ACACB: variants seen among roughly 807,000 people sequenced by gnomAD.
The protein encoded by ACACB is acetyl-CoA carboxylase 2.
Under a neutral mutation model 278.8 loss-of-function variants are expected in ACACB, and 209 were observed. The ratio of observed to expected loss-of-function variants is 0.75; its 90% CI spans 0.67 to 0.84. ACACB has a LOEUF of 0.84. Among genes scored for constraint, ACACB ranks in the 40% least tolerant of loss-of-function variants. The pLI is 0.00. For missense variants in ACACB, 2,850 were observed against 3,269.0 expected (o/e 0.87, Z 3.13); for synonymous variants, 1,174 against 1,285.6 (o/e 0.91, Z 1.86).
chr12:109,117,418 A>T (rs1404520629), intron 1 of ACACB, among the ~76,000 whole-genome samples: 1 of 152,072 alleles, frequency 6.6e-6, no homozygotes, highest in Non-Finnish European at 1.5e-5. Context: ...AAGCGTTTGT[A>T]GTGGTCCTAT....
chr12:109,245,839 AG>A, intron 38 of ACACB, 91 bp downstream of exon 38: 1 of 1,512,918 alleles, frequency 6.6e-7, no homozygotes, highest in East Asian at 2.3e-5. Flanking sequence ...CTGTAATCCC[AG>A]TGCTTTGGGA....
In ACACB at chr12:109,206,704, C is replaced by G; in HGVS notation, c.2914-6C>G. 4 of 1,613,758 alleles carry G rather than the reference C, an allele frequency of 2.5e-6. No homozygotes were observed. Among genetic ancestry groups the G allele is most frequent in the Non-Finnish European group, 3.4e-6 (4 of 1,179,962 alleles). On this transcript the variant is annotated splice_polypyrimidine_tract_variant and splice_region_variant and intron_variant, in intron 19 of 52. Coordinates refer to ENST00000338432, the MANE Select transcript of ACACB (RefSeq NM_001093.4). The stretch of plus-strand genomic sequence containing the variant: ...CTGACCTGTCGTTCTTGTGGTGTCT[C>G]ATCAGGCTGAACCGTTCACAGGAGA...
At chr12:109,179,035 CT>C (rs2044370015) in intron 9 of ACACB, 52 bp from the exon 10 acceptor site, 1 of 1,550,628 alleles carries the variant, frequency 6.4e-7, no homozygotes, top group African/African-American at 1.4e-5. Context: ...CTTCCAGAAG[CT>C]TCCAGAGCTG....
chr12:109,242,660 C>T, intron 37 of ACACB, 68 bp downstream of exon 37: 3 of 1,555,594 alleles, frequency 1.9e-6, no homozygotes, highest in Non-Finnish European at 2.6e-6. Flanking sequence ...AACCAAAGCC[C>T]ATCCTTAATT....
Position 109,185,604 on chromosome 12 carries a change from G to A in ACACB, c.1844G>A (p.Arg615Gln), listed in dbSNP as rs1389218832. The A allele has an allele frequency of 8.1e-6, 13 of 1,613,734 alleles. No homozygotes were observed. The highest frequency in any genetic ancestry group is 1.6e-4 in the Middle Eastern group (1 of 6,082). The change falls in exon 12 of 53, where the codon CGG (arginine) becomes CAG (glutamine). Residue 615 changes from arginine (R) to glutamine (Q), a missense_variant. By Grantham distance (43) the Arg-to-Gln change is conservative. Around this residue, in one of 3 missense-constraint regions of ACACB, gnomAD observed 2,265 missense variants for 2,561.3 expected, o/e 0.88. Coordinates refer to ENST00000338432, the MANE Select transcript of ACACB (RefSeq NM_001093.4). The stretch of plus-strand genomic sequence containing the variant: ...ATCGCCATGGGCGTGCCACTGCACC[G>A]GCTGAAGGATATCCGGCTTCTGTAT... Reference protein sequence around the residue: ...LQIAMGVPLHRLKDIRLLYGE... With the variant: ...LQIAMGVPLHQLKDIRLLYGE...
At position 109,262,362 on chromosome 12, in the gene ACACB, G is replaced by T; in HGVS notation, c.6680G>T (p.Gly2227Val). 6.2e-7 allele frequency: 1 copy of T among 1,612,988 alleles called. No individual in the cohort carries two copies. The highest frequency in any genetic ancestry group is 8.5e-7 in the Non-Finnish European group (1 of 1,179,354). Residue 2227 changes from glycine (G) to valine (V), a missense_variant, in exon 49 of 53, where the codon GGT (glycine) becomes GTT (valine). Gly to Val is a moderately radical substitution (Grantham distance 109). Transcript: ENST00000338432. ...EMYADKESRGGVLEPEGTVEI... is the reference protein window; with the variant it reads ...EMYADKESRGVVLEPEGTVEI... ...CCTGCCTCTTCTCTTTTAAGGGGTG[G>T]TGTTCTGGAACCAGAGGGGACAGTG...
At position 109,245,197 on chromosome 12, in the gene ACACB, C is replaced by T. The variant is rs137963438; in HGVS notation, c.5179-429C>T. Among the ~76,000 whole-genome samples, 68 of 151,662 alleles carry T rather than the reference C, an allele frequency of 4.5e-4. No individual in the cohort carries two copies. In the East Asian group the frequency reaches 0.012, roughly 26 times the overall value. On this transcript the variant is annotated intron_variant, in intron 37 of 52. Coordinates refer to ENST00000338432, the MANE Select transcript of ACACB (RefSeq NM_001093.4). ...AAAAAAAAATAGAAAAAGTAATTTGCGGAAGGATGTGTACAGTGTGGTACT... is the reference window on the plus strand; with the variant it reads ...AAAAAAAAATAGAAAAAGTAATTTGTGGAAGGATGTGTACAGTGTGGTACT...
intron 20 of ACACB, 88 bp from the exon 21 acceptor site, chr12:109,209,077 G>A: frequency 1.4e-6 from 2 of 1,416,808 alleles, no homozygotes; most frequent in Admixed American, 2.1e-5. Context: ...GGGTCAGGAT[G>A]GGTTGAGCTG....
intron 37 of ACACB, among the ~76,000 whole-genome samples, chr12:109,244,661 T>C (rs993544823): frequency 1.3e-5 from 2 of 152,038 alleles, no homozygotes; most frequent in African/African-American, 4.8e-5. Flanking sequence ...TTTCACTATG[T>C]TGGCCAGGCT....
rs1472352631 is a variant in ACACB, at chr12:109,212,926, T to C, written c.3340T>C (p.Leu1114=). The change falls in exon 22 of 53, where the codon TTG becomes CTG. Residue 1114 remains leucine, a synonymous_variant. Transcript: ENST00000338432. The part of the protein sequence containing the change: ...FFINTQSIVQ[L]VQRYRSGIRG... ...CATCAACACCCAGAGCATCGTGCAG[T>C]TGGTCCAGAGGTGAATCCTGGGTCT... 6.2e-7 allele frequency: 1 copy of C among 1,614,038 alleles called. No individual in the cohort carries two copies. Among genetic ancestry groups the C allele is most frequent in the Non-Finnish European group, 8.5e-7 (1 of 1,179,918 alleles).
intron 45 of ACACB, among the ~76,000 whole-genome samples, chr12:109,257,836 G>T (rs985147775): frequency 7.9e-5 from 12 of 152,220 alleles, no homozygotes; most frequent in Non-Finnish European, 1.5e-4. Flanking sequence ...CTCTCAAAGT[G>T]CTGGGATTAC....
At chr12:109,261,257 T>C (rs1181917267) in intron 48 of ACACB, among the ~76,000 whole-genome samples, 2 of 152,186 alleles carry the variant, frequency 1.3e-5, no homozygotes, top group African/African-American at 4.8e-5. Flanking sequence ...GGCATTCCTG[T>C]GTTCACTCCC....
chr12:109,167,972 G>A lies in ACACB; in HGVS notation c.863G>A (p.Arg288His), dbSNP rs777523810. 8 of 1,613,850 alleles carry A rather than the reference G, an allele frequency of 5.0e-6. No homozygotes were observed. The highest frequency in any genetic ancestry group is 2.7e-5 in the African/African-American group (2 of 74,984). The part of the protein sequence containing the change: ...SIRRWAYEMF[R>H]NERAIRFVVM... ...CGCAGGTGGGCCTATGAGATGTTCCGCAACGAGCGGGCCATCCGGTTTGTT... is the reference window on the plus strand; with the variant it reads ...CGCAGGTGGGCCTATGAGATGTTCCACAACGAGCGGGCCATCCGGTTTGTT... The change falls in exon 4 of 53, where the codon CGC becomes CAC. Residue 288 changes from arginine to histidine, a missense_variant. Physicochemically the swap from Arg to His is conservative, Grantham distance 29 (BLOSUM62 0). Around this residue, in one of 3 missense-constraint regions of ACACB, gnomAD observed 2,265 missense variants for 2,561.3 expected, o/e 0.88. Coordinates refer to ENST00000338432, the MANE Select transcript of ACACB (RefSeq NM_001093.4).
chr12:109,188,740 T>C (rs1157716209), intron 13 of ACACB, among the ~76,000 whole-genome samples: 1 of 152,022 alleles, frequency 6.6e-6, no homozygotes, highest in Non-Finnish European at 1.5e-5. Context: ...CAAAGTAAAA[T>C]AAGTGCACCA....
At chr12:109,228,708 A>T (rs1338684445) in intron 28 of ACACB, among the ~76,000 whole-genome samples, 1 of 151,964 alleles carries the variant, frequency 6.6e-6, no homozygotes, top group Non-Finnish European at 1.5e-5. Flanking sequence ...TGGGTGGCTC[A>T]TGGCTGCCAT....
At chr12:109,199,810 A>G (rs1044297788) in intron 18 of ACACB, among the ~76,000 whole-genome samples, 7 of 152,042 alleles carry the variant, frequency 4.6e-5, no homozygotes, top group Non-Finnish European at 1.0e-4. Context: ...TCAGGAGATC[A>G]AGACCATCCT....
chr12:109,167,878 C>T lies in ACACB; in HGVS notation c.787-18C>T. 6.2e-7 allele frequency: 1 copy of T among 1,613,862 alleles called. No individual in the cohort carries two copies. Among genetic ancestry groups the T allele is most frequent in the Non-Finnish European group, 8.5e-7 (1 of 1,179,950 alleles). ...GGTAGATGTGCATCTACAGCTCCTT[C>T]CTTGTCTTCCCATGCAGGTGCTTAT... On this transcript the variant is annotated intron_variant, in intron 3 of 52. Coordinates refer to ENST00000338432, the MANE Select transcript of ACACB (RefSeq NM_001093.4).
In ACACB at chr12:109,256,226, G is replaced by A; in HGVS notation, c.6253G>A (p.Gly2085Arg). The A allele has an allele frequency of 6.2e-7, 1 of 1,613,804 alleles. No homozygotes were observed. Among genetic ancestry groups the A allele is most frequent in the Non-Finnish European group, 8.5e-7 (1 of 1,179,760 alleles). ...ACCCTGGGCGCAGACCGTGGTGACA[G>A]GACGAGCAAGGTAATCATGAAGACG... ...MAPWAQTVVT[G>R]RARLGGIPVG... The change falls in exon 45 of 53, where the codon GGA (glycine) becomes AGA (arginine). Residue 2085 changes from glycine (G) to arginine (R), a missense_variant. By Grantham distance (125) the Gly-to-Arg change is moderately radical. Around this residue, in one of 3 missense-constraint regions of ACACB, gnomAD observed 579 missense variants for 684.6 expected, o/e 0.85. Transcript: ENST00000338432.
At chr12:109,227,309 A>G in intron 27 of ACACB, 62 bp from the exon 28 acceptor site, 1 of 1,463,470 alleles carries the variant, frequency 6.8e-7, no homozygotes, top group South Asian at 1.2e-5. Context: ...GAGTGCCCTC[A>G]GCTTTTGAGC....
Sources: allele counts gnomAD v4.1 joint callset (sites outside exome capture counted in the v4.1 genomes callset), GRCh38; gene constraint gnomAD v4.1.1; regional missense constraint gnomAD v4.1.1; transcripts MANE v1.5; gene names NCBI Gene and HGNC (gene_info 2026-07-23, HGNC 2026-07-21).